Variants in CAMK2D observed in about 807,000 individuals in gnomAD.
CAMK2D encodes the protein calcium/calmodulin dependent protein kinase II delta.
In CAMK2D, 37 loss-of-function variants were observed where a neutral mutation model predicts 84.0. That is an observed-to-expected ratio of 0.44 (90% confidence interval 0.34 to 0.58). The LOEUF is 0.58. Ranked by LOEUF, CAMK2D falls within the 20% of genes least tolerant of loss-of-function variation. CAMK2D has a pLI of 0.02. For synonymous variants in CAMK2D, 202 were observed against 212.5 expected, an observed-to-expected ratio of 0.95 and a Z score of 0.43; for missense variants, 448 against 652.5, an observed-to-expected ratio of 0.69 and a Z score of 3.41.
At chr4:113,545,825 A>T (rs1396327530) in intron 6 of CAMK2D, among the ~76,000 whole-genome samples, 1 of 152,226 alleles carries the variant, frequency 6.6e-6, no homozygotes, top group Non-Finnish European at 1.5e-5. Context: ...TGGAGAGCAA[A>T]AGTACTTTCC....
At chr4:113,754,812 A>G in intron 2 of CAMK2D, 1 of 984,032 alleles carries the variant, frequency 1.0e-6, no homozygotes, top group Non-Finnish European at 1.2e-6. Context: ...AACGTAAGTA[A>G]AGGATACAAA....
At chr4:113,677,607 A>G (rs905757505) in intron 2 of CAMK2D, 1 of 908,400 alleles carries the variant, frequency 1.1e-6, no homozygotes, top group Middle Eastern at 5.7e-4. Flanking sequence ...ATGCAATACC[A>G]TCTAAATAAG....
intron 4 of CAMK2D, among the ~76,000 whole-genome samples, chr4:113,591,977 T>C (rs896717696): frequency 6.6e-6 from 1 of 152,210 alleles, no homozygotes; most frequent in African/African-American, 2.4e-5. Flanking sequence ...TAGGCAGATA[T>C]GTCTTATTCA....
intron 2 of CAMK2D, among the ~76,000 whole-genome samples, chr4:113,683,567 A>T (rs2099351755): frequency 6.6e-6 from 1 of 152,204 alleles, no homozygotes; most frequent in Non-Finnish European, 1.5e-5. Flanking sequence ...ACAATGCATA[A>T]AAGAGTTGTG....
At position 113,457,841 on chromosome 4, in the gene CAMK2D, T is replaced by A. The variant is rs574483162; in HGVS notation, c.1307-278A>T. Among the ~76,000 whole-genome samples, 3 of 152,294 alleles carry A rather than the reference T, an allele frequency of 2.0e-5. No individual in the cohort carries two copies. In the East Asian group the frequency reaches 5.8e-4, roughly 29 times the overall value. On this transcript the variant is annotated intron_variant, in intron 18 of 20. Coordinates refer to ENST00000511664, the MANE Select transcript of CAMK2D (RefSeq NM_001321571.2). Reference sequence around the variant, plus strand: ...TGGGTGAAAAAGCTGGAGAGATATATTTATTTACAATGGAAAGTGGTTAGA... The same window carrying A: ...TGGGTGAAAAAGCTGGAGAGATATAATTATTTACAATGGAAAGTGGTTAGA...
At chr4:113,607,883 A>T (rs944446374) in intron 4 of CAMK2D, among the ~76,000 whole-genome samples, 3 of 152,196 alleles carry the variant, frequency 2.0e-5, no homozygotes, top group Non-Finnish European at 4.4e-5. Flanking sequence ...ACTGGGTATC[A>T]CATGATTAAG....
chr4:113,490,635 T>C (rs1416489792), intron 16 of CAMK2D, among the ~76,000 whole-genome samples: 2 of 151,862 alleles, frequency 1.3e-5, no homozygotes, highest in Non-Finnish European at 2.9e-5. Context: ...GGCTCTGTTT[T>C]GGTTCATATG....
intron 2 of CAMK2D, among the ~76,000 whole-genome samples, chr4:113,724,422 T>G (rs2148671623): frequency 6.6e-6 from 1 of 152,066 alleles, no homozygotes; most frequent in East Asian, 1.9e-4. Flanking sequence ...AGTTAATATT[T>G]TATCTATTAT....
rs762186336 is a variant in CAMK2D, at chr4:113,465,559, G to A, written c.1181C>T (p.Ala394Val). The A allele has an allele frequency of 6.2e-7, 1 of 1,613,044 alleles. No homozygotes were observed. The highest frequency in any genetic ancestry group is 2.2e-5 in the East Asian group (1 of 44,856). ...GGCTTCAAAGTCCCCATTGTTGATA[G>A]CTTCGATCAGTTGTTCAGTGACTTT... ...IIKVTEQLIE[A>V]INNGDFEAYT... The change falls in exon 17 of 21, where the codon GCT becomes GTT. Residue 394 changes from alanine (A) to valine (V), a missense_variant. By Grantham distance (64) the Ala-to-Val change is moderately conservative (BLOSUM62 0). This residue lies in a region of CAMK2D where 219 missense variants were observed against 272.1 expected (regional missense o/e 0.80). Coordinates refer to ENST00000511664, the MANE Select transcript of CAMK2D (RefSeq NM_001321571.2).
At chr4:113,696,125 G>T (rs984716546) in intron 2 of CAMK2D, among the ~76,000 whole-genome samples, 3 of 151,584 alleles carry the variant, frequency 2.0e-5, no homozygotes. Flanking sequence ...TACTAAGGGA[G>T]GTCTTTGCTA....
intron 3 of CAMK2D, among the ~76,000 whole-genome samples, chr4:113,648,027 C>A (rs938534674): frequency 1.3e-5 from 2 of 152,070 alleles, no homozygotes; most frequent in Non-Finnish European, 2.9e-5. Flanking sequence ...AAATAATGAC[C>A]TTCAAAATAG....
intron 4 of CAMK2D, among the ~76,000 whole-genome samples, chr4:113,566,201 A>G (rs2098723035): frequency 6.6e-6 from 1 of 152,228 alleles, no homozygotes; most frequent in South Asian, 2.1e-4. Flanking sequence ...ATACTGGTCC[A>G]GTTCAAAGAG....
intron 16 of CAMK2D, among the ~76,000 whole-genome samples, chr4:113,497,923 T>C (rs17592032): frequency 0.062 from 9,403 of 152,280 alleles, 588 homozygotes; most frequent in East Asian, 0.21. Flanking sequence ...AAGTGTGGTG[T>C]CTCACTGATC....
intron 1 of CAMK2D, among the ~76,000 whole-genome samples, chr4:113,759,649 A>G (rs2099636208): frequency 6.6e-6 from 1 of 152,192 alleles, no homozygotes; most frequent in South Asian, 2.1e-4. Context: ...AGGAACTGCC[A>G]ATTATGACCG....
chr4:113,737,688 T>TC (rs1441688989), intron 2 of CAMK2D, among the ~76,000 whole-genome samples: 1 of 152,212 alleles, frequency 6.6e-6, no homozygotes, highest in Non-Finnish European at 1.5e-5. Context: ...ATTAACTGCA[T>TC]CTATCCTTCA....
rs551680291 is a variant in CAMK2D, at chr4:113,589,304, C to A, written c.275+19848G>T. On this transcript the variant is annotated intron_variant, in intron 4 of 20. Coordinates refer to ENST00000511664, the MANE Select transcript of CAMK2D (RefSeq NM_001321571.2). ...GACACTTTTACAGTGATCCAGCAAG[C>A]GATGATAATGGTTTTGGCCAAGGGG... 3.9e-4 allele frequency among the ~76,000 whole-genome samples: 60 copies of A among 152,152 alleles called. 1 individual carries two copies. Among genetic ancestry groups the A allele is most frequent in the South Asian group, 2.7e-3 (13 of 4,816 alleles).
chr4:113,506,955 C>T (rs1468505336), intron 13 of CAMK2D, among the ~76,000 whole-genome samples: 3 of 151,886 alleles, frequency 2.0e-5, no homozygotes, highest in African/African-American at 7.3e-5. Context: ...CACACACCAT[C>T]ATCTCTTCCA....
chr4:113,583,260 T>A (rs2154243902), intron 4 of CAMK2D, among the ~76,000 whole-genome samples: 1 of 152,268 alleles, frequency 6.6e-6, no homozygotes, highest in South Asian at 2.1e-4. Context: ...GCAAGTTGAT[T>A]AAGAATTTGA....
chr4:113,759,289 T>G, intron 2 of CAMK2D, 31 bp downstream of exon 2: 1 of 1,361,282 alleles, frequency 7.3e-7, no homozygotes, highest in Non-Finnish European at 1.0e-6. Flanking sequence ...AAATACAAAA[T>G]TAACCAATAT....
Sources: allele counts gnomAD v4.1 joint callset (sites outside exome capture counted in the v4.1 genomes callset), GRCh38; gene constraint gnomAD v4.1.1; regional missense constraint gnomAD v4.1.1; transcripts MANE v1.5; gene names NCBI Gene and HGNC (gene_info 2026-07-23, HGNC 2026-07-21).